KHDRBS2: variants seen among roughly 807,000 people sequenced by gnomAD.
The protein encoded by KHDRBS2 is KH domain-containing, RNA-binding, signal transduction-associated protein 2.
A neutral mutation model predicts 44.3 loss-of-function variants in KHDRBS2; 26 were observed. The ratio of observed to expected loss-of-function variants is 0.59; its 90% CI spans 0.43 to 0.81. The LOEUF is 0.81. KHDRBS2 is among the 40% of genes least tolerant of loss of function. The pLI is 0.00. For missense variants in KHDRBS2, 476 were observed against 433.1 expected (o/e 1.10, Z -0.88); for synonymous variants, 194 against 151.1 (o/e 1.28, Z -2.08).
chr6:61,793,199 G>T (rs899514822), intron 6 of KHDRBS2, among the ~76,000 whole-genome samples: 1 of 151,668 alleles, frequency 6.6e-6, no homozygotes, highest in African/African-American at 2.4e-5. Context: ...ACTTATTGCT[G>T]AAAAAAAGGA....
At chr6:61,963,937 G>A (rs1769322953) in intron 4 of KHDRBS2, among the ~76,000 whole-genome samples, 1 of 152,024 alleles carries the variant, frequency 6.6e-6, no homozygotes, top group Non-Finnish European at 1.5e-5. Context: ...GTTTAAAGGA[G>A]CTTTTCCATA....
intron 6 of KHDRBS2, among the ~76,000 whole-genome samples, chr6:61,857,315 CT>C (rs1222502156): frequency 6.6e-6 from 1 of 151,946 alleles, no homozygotes; most frequent in Non-Finnish European, 1.5e-5. Flanking sequence ...GATTAAACAT[CT>C]CTCTTAAATT....
intron 4 of KHDRBS2, among the ~76,000 whole-genome samples, chr6:61,933,852 TTTAAGTTTTTAAGGACCTTCCATA>T (rs1469871072): frequency 9.2e-5 from 14 of 152,296 alleles, no homozygotes; most frequent in African/African-American, 3.1e-4. Flanking sequence ...TAGTTCTATT[TTTAAGTTTTTAAGGACCTTCCATA>T]TTATTTGCCA....
At chr6:61,984,464 GA>G (rs1047236997) in intron 3 of KHDRBS2, among the ~76,000 whole-genome samples, 2 of 151,752 alleles carry the variant, frequency 1.3e-5, no homozygotes, top group South Asian at 2.1e-4. Context: ...TAAAGAAGCA[GA>G]AAAAAAATAC....
At chr6:61,717,329 G>A (rs1316944726) in intron 7 of KHDRBS2, among the ~76,000 whole-genome samples, 5 of 151,616 alleles carry the variant, frequency 3.3e-5, no homozygotes, top group Non-Finnish European at 7.4e-5. Context: ...AAATAAATAC[G>A]TCAAATAAGA....
intron 4 of KHDRBS2, among the ~76,000 whole-genome samples, chr6:61,926,015 G>A (rs1044038663): frequency 7.2e-5 from 11 of 152,070 alleles, no homozygotes; most frequent in African/African-American, 2.7e-4. Context: ...GAGATAAAAT[G>A]TATGTCTATC....
At chr6:62,032,022 G>A (rs1017973611) in intron 3 of KHDRBS2, among the ~76,000 whole-genome samples, 2 of 152,078 alleles carry the variant, frequency 1.3e-5, no homozygotes, top group African/African-American at 2.4e-5. Context: ...CCAGCTTTAG[G>A]TGGCTTAGAA....
At chr6:62,262,664 T>C (rs774866123) in intron 1 of KHDRBS2, among the ~76,000 whole-genome samples, 1 of 151,686 alleles carries the variant, frequency 6.6e-6, no homozygotes, top group African/African-American at 2.4e-5. Flanking sequence ...GGGGGGTTAG[T>C]GGACTTATTT....
At chr6:62,112,668 A>T (rs1805288260) in intron 2 of KHDRBS2, among the ~76,000 whole-genome samples, 1 of 152,132 alleles carries the variant, frequency 6.6e-6, no homozygotes, top group African/African-American at 2.4e-5. Flanking sequence ...AAATCTATTA[A>T]AGATGGTGAA....
the KHDRBS2 span, among the ~76,000 whole-genome samples, chr6:61,609,830 C>T: frequency 0.024 from 3,714 of 152,210 alleles, 69 homozygotes; most frequent in Middle Eastern, 0.085. Context: ...TAGTTTTTCT[C>T]AGAATATATC....
At chr6:62,070,487 C>A (rs1028853959) in intron 2 of KHDRBS2, among the ~76,000 whole-genome samples, 5 of 151,978 alleles carry the variant, frequency 3.3e-5, no homozygotes, top group African/African-American at 7.2e-5. Flanking sequence ...TATCCCTCCC[C>A]CCTCCTCCCA....
At chr6:61,861,258 C>A (rs982268334) in intron 6 of KHDRBS2, among the ~76,000 whole-genome samples, 1 of 152,000 alleles carries the variant, frequency 6.6e-6, no homozygotes, top group African/African-American at 2.4e-5. Context: ...GTTGCAGTTG[C>A]TTTTGGTGTC....
intron 1 of KHDRBS2, among the ~76,000 whole-genome samples, chr6:62,224,676 T>C (rs1831469411): frequency 6.6e-6 from 1 of 152,190 alleles, no homozygotes; most frequent in African/African-American, 2.4e-5. Context: ...CAGTCCAATC[T>C]ATCTGAGAAA....
chr6:62,221,413 A>G (rs1366666759), intron 1 of KHDRBS2, among the ~76,000 whole-genome samples: 2 of 152,108 alleles, frequency 1.3e-5, no homozygotes, highest in Admixed American at 6.6e-5. Context: ...AGTTACTAAT[A>G]CTGTATTCAA....
intron 6 of KHDRBS2, among the ~76,000 whole-genome samples, chr6:61,831,405 C>T (rs1334423045): frequency 6.6e-6 from 1 of 151,928 alleles, no homozygotes; most frequent in Admixed American, 6.6e-5. Flanking sequence ...ATAATGTACC[C>T]TTACTTTTAC....
intron 3 of KHDRBS2, among the ~76,000 whole-genome samples, chr6:62,021,262 T>C (rs1216289959): frequency 2.0e-5 from 3 of 151,656 alleles, no homozygotes; most frequent in Non-Finnish European, 4.4e-5. Flanking sequence ...TAAAAGAGGA[T>C]GGAGGGTGGG....
the KHDRBS2 span, among the ~76,000 whole-genome samples, chr6:61,570,945 T>A: frequency 6.6e-6 from 1 of 151,500 alleles, no homozygotes; most frequent in African/African-American, 2.4e-5. Context: ...AACCTTAAAA[T>A]ACACCAAAAT....
chr6:61,664,867 T>C, the KHDRBS2 span, among the ~76,000 whole-genome samples: 217 of 151,816 alleles, frequency 1.4e-3, no homozygotes, highest in African/African-American at 5.0e-3. Flanking sequence ...TTTTAATATC[T>C]GTAATAAATA....
At chr6:62,059,918 C>A (rs1323915038) in intron 2 of KHDRBS2, among the ~76,000 whole-genome samples, 2 of 151,702 alleles carry the variant, frequency 1.3e-5, no homozygotes, top group African/African-American at 2.4e-5. Context: ...AGTTAATCAG[C>A]AAATATGTAT....
Sources: gnomAD v4.1 joint callset for allele counts (sites outside exome capture counted in the v4.1 genomes callset) on GRCh38, gnomAD v4.1.1 for gene constraint, MANE v1.5 for transcripts, NCBI Gene and HGNC (gene_info 2026-07-23, HGNC 2026-07-21) for gene names.